The following TRHDE variants were observed in gnomAD, a reference collection of about 807,000 sequenced individuals.
TRHDE encodes the protein thyrotropin-releasing hormone-degrading ectoenzyme.
In TRHDE, 72 loss-of-function variants were observed where a neutral mutation model predicts 125.7. The observed-to-expected ratio is 0.57, with a 90% CI of 0.47 to 0.70. The LOEUF (loss-of-function observed/expected upper bound fraction) is 0.70, where lower values mean the gene tolerates loss of function less well. TRHDE is among the 30% of genes least tolerant of loss of function. TRHDE has a pLI of 0.00. For synonymous variants in TRHDE, 509 were observed against 509.1 expected (o/e 1.00, Z 0.00); for missense variants, 1,110 against 1,327.1 (o/e 0.84, Z 2.54).
At chr12:72,142,937 A>G (rs1876151111) in intron 2 of TRHDE, among the ~76,000 whole-genome samples, 1 of 151,808 alleles carries the variant, frequency 6.6e-6, no homozygotes, top group Non-Finnish European at 1.5e-5. Context: ...CCTTGCATTC[A>G]TCCTCAAGCC....
chr12:72,659,452 T>C (rs1392434914), intron 18 of TRHDE, among the ~76,000 whole-genome samples: 1 of 152,178 alleles, frequency 6.6e-6, no homozygotes, highest in African/African-American at 2.4e-5. Context: ...TGGAGGAACA[T>C]AGATCCTATG....
Position 72,562,151 on chromosome 12 carries a change from T to G in TRHDE, c.1789-14T>G, listed in dbSNP as rs1258358260. The G allele has an allele frequency of 7.5e-7, 1 of 1,328,822 alleles. No homozygotes were observed. Among genetic ancestry groups the G allele is most frequent in the African/African-American group, 1.5e-5 (1 of 68,938 alleles). 82.3% of individuals were successfully genotyped at this position (1,328,822 alleles called of 1,614,324 possible). On this transcript the variant is annotated splice_polypyrimidine_tract_variant and intron_variant, in intron 7 of 18. Transcript: ENST00000261180. ...TAACCTTTGAATTACAATTACAATT[T>G]TATATTCTTGTAGGATTATTTAACC...
chr12:72,367,108 A>G (rs898028909), intron 2 of TRHDE, among the ~76,000 whole-genome samples: 17 of 152,020 alleles, frequency 1.1e-4, no homozygotes, highest in African/African-American at 3.9e-4. Context: ...TCCATCACCA[A>G]TTGTAAATTC....
At chr12:72,178,881 A>C (rs1022220544) in intron 2 of TRHDE, among the ~76,000 whole-genome samples, 3 of 152,152 alleles carry the variant, frequency 2.0e-5, no homozygotes, top group African/African-American at 7.2e-5. Context: ...TATTTCTTTA[A>C]AATAAACAAA....
intron 2 of TRHDE, among the ~76,000 whole-genome samples, chr12:72,366,508 C>T (rs1871344007): frequency 6.6e-6 from 1 of 152,000 alleles, no homozygotes; most frequent in Admixed American, 6.6e-5. Context: ...AAGTTTATTG[C>T]CATTTTATGG....
intron 2 of TRHDE, among the ~76,000 whole-genome samples, chr12:72,121,741 T>TG (rs1491172386): frequency 7.1e-6 from 1 of 139,914 alleles, no homozygotes; most frequent in Non-Finnish European, 1.6e-5. Context: ...TTTTTTTTTT[T>TG]GATGTGGATA....
intron 3 of TRHDE, among the ~76,000 whole-genome samples, chr12:72,453,755 A>G (rs1034229911): frequency 1.3e-5 from 2 of 152,138 alleles, no homozygotes; most frequent in African/African-American, 4.8e-5. Flanking sequence ...CAGCCTTGGG[A>G]CACTGCTTCC....
chr12:72,485,529 G>A (rs1031208979), intron 5 of TRHDE, among the ~76,000 whole-genome samples: 3 of 152,172 alleles, frequency 2.0e-5, no homozygotes, highest in Non-Finnish European at 2.9e-5. Flanking sequence ...CACGCCTCTG[G>A]CACCACAGCT....
In TRHDE at chr12:72,125,119, C is replaced by A. The variant is rs1255887134; in HGVS notation, n.279+19367C>A. Among the ~76,000 whole-genome samples, 3 of 152,072 alleles carry A rather than the reference C, an allele frequency of 2.0e-5. No individual in the cohort carries two copies. The East Asian group carries it at 5.8e-4, about 29-fold the overall frequency. On this transcript the variant is annotated intron_variant and non_coding_transcript_variant, in intron 2 of 4. Coordinates refer to the TRHDE transcript ENST00000548156. ...CCACACATTTAAAAAATAAAATTGA[C>A]TTGTAATTTATTTTCTTGTGCTTTT...
intron 2 of TRHDE, among the ~76,000 whole-genome samples, chr12:72,129,549 G>T (rs539626185): frequency 6.6e-6 from 1 of 152,184 alleles, no homozygotes; most frequent in Non-Finnish European, 1.5e-5. Flanking sequence ...GGAACTTCTG[G>T]ATAACAAAAG....
At chr12:72,095,969 C>T (rs1874906669) in intron 1 of TRHDE, among the ~76,000 whole-genome samples, 2 of 152,134 alleles carry the variant, frequency 1.3e-5, no homozygotes, top group Non-Finnish European at 2.9e-5. Flanking sequence ...ATTGACTTCC[C>T]CTGAGCAAGA....
intron 2 of TRHDE, among the ~76,000 whole-genome samples, chr12:72,318,648 T>C (rs1418246827): frequency 2.0e-5 from 3 of 152,168 alleles, no homozygotes; most frequent in Non-Finnish European, 2.9e-5. Flanking sequence ...GTGCAGTGTA[T>C]GAATTCAAAC....
intron 3 of TRHDE, among the ~76,000 whole-genome samples, chr12:72,445,506 G>A (rs1455227000): frequency 6.6e-6 from 1 of 151,868 alleles, no homozygotes. Flanking sequence ...TCCATAACTT[G>A]TATTTCAAAG....
At chr12:72,190,896 G>A (rs1338685144) in intron 2 of TRHDE, among the ~76,000 whole-genome samples, 1 of 152,164 alleles carries the variant, frequency 6.6e-6, no homozygotes. Flanking sequence ...CACCTTAATG[G>A]TAGGTCAATT....
intron 5 of TRHDE, among the ~76,000 whole-genome samples, chr12:72,480,115 A>G (rs1485470065): frequency 1.3e-5 from 2 of 151,794 alleles, no homozygotes; most frequent in African/African-American, 2.4e-5. Flanking sequence ...TAGTGCCGCA[A>G]TAAACATACG....
intron 7 of TRHDE, among the ~76,000 whole-genome samples, chr12:72,552,837 G>A (rs1253571806): frequency 1.3e-5 from 2 of 152,228 alleles, no homozygotes; most frequent in Admixed American, 6.5e-5. Flanking sequence ...GAAGATTTTT[G>A]TTTTATTTTT....
chr12:72,295,697 T>G (rs1016929280), intron 2 of TRHDE, among the ~76,000 whole-genome samples: 7 of 152,192 alleles, frequency 4.6e-5, no homozygotes, highest in Admixed American at 4.6e-4. Context: ...AACACAGGAC[T>G]CTTCTGTGAA....
At chr12:72,286,547 G>A (rs1879895444) in intron 1 of TRHDE, 134 bp from the exon 2 acceptor site, 3 of 763,060 alleles carry the variant, frequency 3.9e-6, no homozygotes, top group Non-Finnish European at 4.2e-6. Flanking sequence ...TGCTATTCAT[G>A]CACTTAAGTT....
In TRHDE at chr12:72,273,480, G is replaced by T; in HGVS notation, c.837G>T (p.Lys279Asn). Residue 279 changes from lysine (K) to asparagine (N), a missense_variant, in exon 1 of 19, where the codon AAG becomes AAT. Coordinates refer to ENST00000261180, the MANE Select transcript of TRHDE (RefSeq NM_013381.3). The surrounding 1 kb of genome is among the most constrained non-coding windows in gnomAD (Gnocchi z 5.3). Reference sequence around the variant, plus strand: ...ACGCGCAGAGGAATTACAATCTGAAGATTATCTACAACGCGCTCATCGAGA... The same window carrying T: ...ACGCGCAGAGGAATTACAATCTGAATATTATCTACAACGCGCTCATCGAGA... ...TLDAQRNYNL[K>N]IIYNALIENE... 6.2e-7 allele frequency: 1 copy of T among 1,613,436 alleles called. No individual in the cohort carries two copies. Among genetic ancestry groups the T allele is most frequent in the East Asian group, 2.2e-5 (1 of 44,830 alleles).
Sources: gnomAD v4.1 joint callset for allele counts (sites outside exome capture counted in the v4.1 genomes callset) on GRCh38, gnomAD v4.1.1 for gene constraint, Gnocchi (gnomAD v3.1) non-coding constraint, MANE v1.5 for transcripts, NCBI Gene and HGNC (gene_info 2026-07-23, HGNC 2026-07-21) for gene names.